Variants in SSH2 observed in about 807,000 individuals in gnomAD.
The protein encoded by SSH2 is slingshot protein phosphatase 2.
In SSH2, 37 loss-of-function variants were observed where a neutral mutation model predicts 135.2. The ratio of observed to expected loss-of-function variants is 0.27; its 90% CI spans 0.21 to 0.36. The LOEUF is 0.36. SSH2 is among the 10% of genes least tolerant of loss of function. SSH2 has a pLI of 1.00. For synonymous variants in SSH2, 628 were observed against 646.2 expected (o/e 0.97, Z 0.43); for missense variants, 1,408 against 1,765.3 (o/e 0.80, Z 3.63).
intron 2 of SSH2, among the ~76,000 whole-genome samples, chr17:29,825,063 G>A (rs2042720845): frequency 6.6e-6 from 1 of 152,114 alleles, no homozygotes; most frequent in African/African-American, 2.4e-5. Context: ...TTGATGCCCT[G>A]AATCCAGTCA....
intron 3 of SSH2, among the ~76,000 whole-genome samples, chr17:29,761,584 C>T (rs2041308938): frequency 2.6e-5 from 4 of 152,260 alleles, no homozygotes; most frequent in Admixed American, 1.3e-4. Flanking sequence ...TTTAGGGCAT[C>T]CGGCGGCCCC....
At chr17:29,902,475 A>G (rs2066575262) in intron 1 of SSH2, among the ~76,000 whole-genome samples, 1 of 152,218 alleles carries the variant, frequency 6.6e-6, no homozygotes, top group East Asian at 1.9e-4. Context: ...CTGGAATAAA[A>G]TTTTTGAATA....
chr17:29,727,952 G>A (rs1282549514), intron 3 of SSH2, among the ~76,000 whole-genome samples: 2 of 152,150 alleles, frequency 1.3e-5, no homozygotes, highest in African/African-American at 2.4e-5. Context: ...AGGTCAAGGT[G>A]GGCAGATCAC....
intron 1 of SSH2, among the ~76,000 whole-genome samples, chr17:29,870,886 G>T (rs1250402489): frequency 6.6e-6 from 1 of 152,104 alleles, no homozygotes; most frequent in Non-Finnish European, 1.5e-5. Flanking sequence ...CTTTTAGATG[G>T]ATATGATACA....
intron 3 of SSH2, among the ~76,000 whole-genome samples, chr17:29,778,346 G>A (rs968034884): frequency 6.6e-6 from 1 of 152,056 alleles, no homozygotes; most frequent in African/African-American, 2.4e-5. Context: ...ATAGTCATAA[G>A]TCATGTAGCC....
chr17:29,861,413 G>A (rs77642055), intron 1 of SSH2, among the ~76,000 whole-genome samples: 3 of 152,132 alleles, frequency 2.0e-5, no homozygotes, highest in African/African-American at 4.8e-5. Context: ...ATCCTGCCCC[G>A]ATAATCCAGG....
chr17:29,879,373 G>GTT (rs5819875), intron 1 of SSH2, among the ~76,000 whole-genome samples: 12 of 136,010 alleles, frequency 8.8e-5, no homozygotes, highest in Admixed American at 2.2e-4. Flanking sequence ...GCTTTCTGCT[G>GTT]TTTTTTTTTT....
chr17:29,894,803 G>C (rs188767892), intron 1 of SSH2, among the ~76,000 whole-genome samples: 23 of 151,974 alleles, frequency 1.5e-4, no homozygotes, highest in African/African-American at 5.3e-4. Context: ...CCATATTCTA[G>C]ACCCTTCCTT....
At chr17:29,765,635 G>T (rs1442179598) in intron 3 of SSH2, among the ~76,000 whole-genome samples, 1 of 152,152 alleles carries the variant, frequency 6.6e-6, no homozygotes, top group East Asian at 1.9e-4. Context: ...GATTCTAGCT[G>T]CTTTGTCTAT....
At chr17:29,723,246 T>C (rs2039881344) in intron 3 of SSH2, among the ~76,000 whole-genome samples, 1 of 152,190 alleles carries the variant, frequency 6.6e-6, no homozygotes, top group Admixed American at 6.5e-5. Context: ...AAAAAAAGCT[T>C]ATCATGTACA....
In SSH2 at chr17:29,629,648, A is replaced by C. The variant is rs2035593190; in HGVS notation, c.*1193T>G. The C allele has an allele frequency of 6.5e-6, 1 of 152,692 alleles. No homozygotes were observed. The allele number at this position is 152,692 out of a possible 1,614,324, so 9.5% of individuals were successfully genotyped here. ...ATGAACAAGACACTAAGACAGTGAC[A>C]ATATTATGTACATAAATACTGTGTA... is the stretch of plus-strand genomic sequence containing the variant. On this transcript the variant is annotated 3_prime_UTR_variant, in exon 16 of 16. Transcript: ENST00000540801.
chr17:29,741,604 C>A (rs2040555218), intron 3 of SSH2, among the ~76,000 whole-genome samples: 2 of 144,944 alleles, frequency 1.4e-5, no homozygotes, highest in African/African-American at 5.4e-5. Context: ...ACGAAACAAT[C>A]CCCCTCCTTT....
intron 1 of SSH2, among the ~76,000 whole-genome samples, chr17:29,899,813 C>T (rs1168348026): frequency 2.6e-5 from 4 of 152,108 alleles, no homozygotes; most frequent in Non-Finnish European, 5.9e-5. Context: ...AAAAAGAGCC[C>T]ACATTGCCAA....
At chr17:29,749,668 C>T (rs779754924) in intron 3 of SSH2, among the ~76,000 whole-genome samples, 8 of 152,144 alleles carry the variant, frequency 5.3e-5, no homozygotes, top group Non-Finnish European at 1.0e-4. Flanking sequence ...ACTGTAACTA[C>T]TGTGGACTTT....
intron 2 of SSH2, among the ~76,000 whole-genome samples, chr17:29,830,721 A>G (rs2042829962): frequency 6.6e-6 from 1 of 152,238 alleles, no homozygotes; most frequent in African/African-American, 2.4e-5. Context: ...AGCTAAGGAC[A>G]TGCCCTTAAG....
At chr17:29,664,799 AT>A (rs1397853943) in intron 11 of SSH2, among the ~76,000 whole-genome samples, 1 of 152,172 alleles carries the variant, frequency 6.6e-6, no homozygotes, top group Non-Finnish European at 1.5e-5. Context: ...GGGAAATTAG[AT>A]TGTTTTTTCT....
At chr17:29,807,644 C>T (rs1457285137) in intron 2 of SSH2, among the ~76,000 whole-genome samples, 2 of 152,080 alleles carry the variant, frequency 1.3e-5, no homozygotes, top group East Asian at 1.9e-4. Context: ...AAGGGAAGAG[C>T]AGTAGAAATA....
At chr17:29,706,472 G>GTT (rs1388564478) in intron 3 of SSH2, among the ~76,000 whole-genome samples, 1 of 152,152 alleles carries the variant, frequency 6.6e-6, no homozygotes, top group Non-Finnish European at 1.5e-5. Context: ...TGTTGCACAA[G>GTT]CCTTCTCTCT....
At chr17:29,774,363 C>G (rs1030052617) in intron 3 of SSH2, among the ~76,000 whole-genome samples, 2 of 152,056 alleles carry the variant, frequency 1.3e-5, no homozygotes, top group Non-Finnish European at 2.9e-5. Flanking sequence ...CTCCTGGGTT[C>G]AAGCAATTCT....
Sources: allele counts gnomAD v4.1 joint callset (sites outside exome capture counted in the v4.1 genomes callset), GRCh38; gene constraint gnomAD v4.1.1; transcripts MANE v1.5; gene names NCBI Gene and HGNC (gene_info 2026-07-23, HGNC 2026-07-21).